SP140L: variants seen among roughly 807,000 people sequenced by gnomAD.
SP140L encodes the protein nuclear body protein SP140-like protein.
Under a neutral mutation model 84.3 loss-of-function variants are expected in SP140L, and 64 were observed. The ratio of observed to expected loss-of-function variants is 0.76; its 90% CI spans 0.62 to 0.94. SP140L has a LOEUF of 0.94. Among genes scored for constraint, SP140L ranks in the 40% least tolerant of loss-of-function variants. The probability of loss-of-function intolerance (pLI) is 0.00; values close to 1 mark genes in which losing one functional copy is unlikely to be tolerated. For missense variants in SP140L, 628 were observed against 692.5 expected, an observed-to-expected ratio of 0.91 and a Z score of 1.05; for synonymous variants, 242 against 236.9, an observed-to-expected ratio of 1.02 and a Z score of -0.20.
At position 230,364,226 on chromosome 2, in the gene SP140L, G is replaced by A. The variant is rs527397616; in HGVS notation, c.523+2529G>A. ...TCTTTGGAACTTTTATATGATTTGC[G>A]CTGAATCTTTAGAGCACTGTGGATA... is the stretch of plus-strand genomic sequence containing the variant. On this transcript the variant is annotated intron_variant, in intron 5 of 18. Coordinates refer to ENST00000415673, the MANE Select transcript of SP140L (RefSeq NM_138402.6). 3.6e-4 allele frequency among the ~76,000 whole-genome samples: 55 copies of A among 152,024 alleles called. No individual in the cohort carries two copies. In the South Asian group the frequency reaches 7.9e-3, roughly 22 times the overall value.
chr2:230,402,420 C>T (rs781726741), intron 18 of SP140L, among the ~76,000 whole-genome samples: 18 of 152,150 alleles, frequency 1.2e-4, no homozygotes, highest in Non-Finnish European at 2.1e-4. Flanking sequence ...TGGTGAGAAA[C>T]GGAAGTTACT....
chr2:230,337,841 T>A (rs1482560467), intron 2 of SP140L, among the ~76,000 whole-genome samples: 3 of 152,152 alleles, frequency 2.0e-5, no homozygotes, highest in Non-Finnish European at 2.9e-5. Flanking sequence ...TCTGTTCTGT[T>A]CCGTTGATCT....
chr2:230,396,677 T>A (rs1049045793), intron 13 of SP140L, 80 bp from the exon 14 acceptor site: 2 of 1,527,544 alleles, frequency 1.3e-6, no homozygotes, highest in Non-Finnish European at 1.8e-6. Context: ...CCTTCAAAGA[T>A]GACTATTTAA....
chr2:230,369,666 G>A (rs1017408312), intron 5 of SP140L, among the ~76,000 whole-genome samples: 2 of 152,214 alleles, frequency 1.3e-5, no homozygotes, highest in African/African-American at 4.8e-5. Flanking sequence ...GTGTAGGACT[G>A]CCACTGATGG....
chr2:230,376,949 C>G (rs1372519729), intron 7 of SP140L, among the ~76,000 whole-genome samples: 3 of 152,148 alleles, frequency 2.0e-5, no homozygotes, highest in Non-Finnish European at 4.4e-5. Context: ...AGGGCACCAA[C>G]AATAGGATTT....
In SP140L at chr2:230,367,295, C is replaced by CTTTTTTTTTTTTTTTTTTTTT. The variant is rs200306286; in HGVS notation, c.524-3598_524-3597insTTTTTTTTTTTTTTTTTTTTT. 5.9e-5 allele frequency among the ~76,000 whole-genome samples: 7 copies of CTTTTTTTTTTTTTTTTTTTTT among 118,050 alleles called. 2 individuals are homozygous for CTTTTTTTTTTTTTTTTTTTTT. Among genetic ancestry groups the CTTTTTTTTTTTTTTTTTTTTT allele is most frequent in the Admixed American group, 2.9e-4 (3 of 10,522 alleles). The allele number at this position is 118,050 out of a possible 152,430, so 77.4% of individuals were successfully genotyped here. ...TTTTTTTCCTTTCTTTCTTTTTTTT[C>CTTTTTTTTTTTTTTTTTTTTT]TTTTTTTTTTTTTTTGAGACAGAGT... On this transcript the variant is annotated intron_variant, in intron 5 of 18. Transcript: ENST00000415673.
In SP140L at chr2:230,389,867, G is replaced by T. The variant is rs1477539655; in HGVS notation, c.860-52G>T. The T allele has an allele frequency of 1.3e-5, 20 of 1,543,322 alleles. No individual in the cohort carries two copies. In the Admixed American group the frequency reaches 3.2e-4, roughly 25 times the overall value. On this transcript the variant is annotated intron_variant, in intron 10 of 18. Transcript: ENST00000415673. ...TTATAGGATTTACCTCAGTGGGAAGGGGGGATGTGCCTTTGCAAAGTGAGA... is the reference window on the plus strand; with the variant it reads ...TTATAGGATTTACCTCAGTGGGAAGTGGGGATGTGCCTTTGCAAAGTGAGA...
At chr2:230,331,610 T>C (rs1487132880) in intron 2 of SP140L, among the ~76,000 whole-genome samples, 1 of 152,240 alleles carries the variant, frequency 6.6e-6, no homozygotes, top group African/African-American at 2.4e-5. Context: ...TTTTTAAAAA[T>C]TCTTAATGAT....
At chr2:230,389,249 G>A (rs1259419768) in intron 10 of SP140L, among the ~76,000 whole-genome samples, 2 of 152,138 alleles carry the variant, frequency 1.3e-5, no homozygotes, top group Non-Finnish European at 2.9e-5. Flanking sequence ...CTGTTTGGAA[G>A]GGCAGGATTA....
intron 2 of SP140L, among the ~76,000 whole-genome samples, chr2:230,356,735 C>G (rs2060560881): frequency 6.6e-6 from 1 of 152,206 alleles, no homozygotes; most frequent in Non-Finnish European, 1.5e-5. Context: ...CTTTCCTAAC[C>G]TCTAGGAGCA....
intron 2 of SP140L, among the ~76,000 whole-genome samples, chr2:230,342,793 T>C (rs1263020778): frequency 6.6e-6 from 1 of 151,738 alleles, no homozygotes; most frequent in Non-Finnish European, 1.5e-5. Flanking sequence ...CCTTGGTTAG[T>C]CTAGCTAAAG....
intron 9 of SP140L, among the ~76,000 whole-genome samples, chr2:230,386,961 C>T (rs75383285): frequency 5.9e-5 from 9 of 152,250 alleles, no homozygotes; most frequent in African/African-American, 7.2e-5. Flanking sequence ...ACGGTGAGTG[C>T]GGACCCTCAG....
At chr2:230,346,120 C>T (rs1014342817) in intron 2 of SP140L, among the ~76,000 whole-genome samples, 1 of 152,080 alleles carries the variant, frequency 6.6e-6, no homozygotes, top group Non-Finnish European at 1.5e-5. Context: ...TTTATCACGC[C>T]TTCATTTAAG....
intron 5 of SP140L, among the ~76,000 whole-genome samples, chr2:230,365,504 A>G (rs184226567): frequency 2.5e-3 from 378 of 151,240 alleles, no homozygotes; most frequent in Non-Finnish European, 3.6e-3. Flanking sequence ...TTTATTTCTG[A>G]TATTATTCAT....
chr2:230,399,503 T>C (rs1168979632), intron 14 of SP140L, among the ~76,000 whole-genome samples: 2 of 152,140 alleles, frequency 1.3e-5, no homozygotes, highest in Non-Finnish European at 1.5e-5. Context: ...AGCTAAGTCA[T>C]GGGAGATCTT....
chr2:230,349,196 A>C (rs970460641), intron 2 of SP140L, among the ~76,000 whole-genome samples: 1 of 152,370 alleles, frequency 6.6e-6, no homozygotes, highest in East Asian at 1.9e-4. Context: ...TGAAACCACA[A>C]GGATTTTTTC....
At position 230,400,150 on chromosome 2, in the gene SP140L, G is replaced by A; in HGVS notation, c.1221G>A (p.Glu407=). 4 of 1,614,200 alleles carry A rather than the reference G, an allele frequency of 2.5e-6. No homozygotes were observed. The highest frequency in any genetic ancestry group is 3.4e-6 in the Non-Finnish European group (4 of 1,180,018). ...DPCMRNLDEC[E]VCRDGGELFC... is the part of the protein sequence containing the mutation. Reference sequence around the variant, plus strand: ...AGATGAGAAACTTGGATGAGTGTGAGGTGTGCCGGGACGGAGGGGAGCTGT... The same window carrying A: ...AGATGAGAAACTTGGATGAGTGTGAAGTGTGCCGGGACGGAGGGGAGCTGT... Residue 407 remains glutamate (E), a synonymous_variant, in exon 15 of 19, where the codon GAG becomes GAA. Coordinates refer to ENST00000415673, the MANE Select transcript of SP140L (RefSeq NM_138402.6).
At chr2:230,337,907 A>G (rs1372127739) in intron 2 of SP140L, among the ~76,000 whole-genome samples, 1 of 151,718 alleles carries the variant, frequency 6.6e-6, no homozygotes, top group East Asian at 1.9e-4. Context: ...GCCCTGTAGT[A>G]TAGTTTGAAG....
intron 2 of SP140L, among the ~76,000 whole-genome samples, chr2:230,344,534 G>C (rs943826582): frequency 4.6e-5 from 7 of 152,120 alleles, no homozygotes; most frequent in East Asian, 1.9e-4. Context: ...GGTTAGTATT[G>C]TTATGTGTGA....
Sources: gnomAD v4.1 joint callset for allele counts (sites outside exome capture counted in the v4.1 genomes callset) on GRCh38, gnomAD v4.1.1 for gene constraint, MANE v1.5 for transcripts, NCBI Gene and HGNC (gene_info 2026-07-23, HGNC 2026-07-21) for gene names.